PHACTR4: variants seen among roughly 807,000 people sequenced by gnomAD.
PHACTR4 encodes phosphatase and actin regulator 4, also known as protein phosphatase 1, regulatory subunit 124.
A neutral mutation model predicts 72.7 loss-of-function variants in PHACTR4; 51 were observed. The observed-to-expected ratio is 0.70, with a 90% confidence interval of 0.56 to 0.89. PHACTR4 has a LOEUF of 0.89. Among genes scored for constraint, PHACTR4 ranks in the 40% least tolerant of loss-of-function variants. PHACTR4 has a pLI of 0.00. For missense variants in PHACTR4, 731 were observed against 861.8 expected, an observed-to-expected ratio of 0.85 and a Z score of 1.90; for synonymous variants, 255 against 302.5, an observed-to-expected ratio of 0.84 and a Z score of 1.63.
At chr1:28,421,133 C>T (rs1443889313) in intron 2 of PHACTR4, among the ~76,000 whole-genome samples, 1 of 152,168 alleles carries the variant, frequency 6.6e-6, no homozygotes, top group Admixed American at 6.5e-5. Context: ...CTGACTTCTG[C>T]ATGTCCTATC....
At position 28,497,160 on chromosome 1, in the gene PHACTR4, G is replaced by A. The variant is rs572294904; in HGVS notation, c.*611G>A. The A allele has an allele frequency of 6.6e-6, 1 of 152,314 alleles. No individual in the cohort carries two copies. The highest frequency in any genetic ancestry group is 2.4e-5 in the African/African-American group (1 of 41,536). 9.4% of individuals were successfully genotyped at this position (152,314 alleles called of 1,614,324 possible). On this transcript the variant is annotated 3_prime_UTR_variant, in exon 14 of 14. Coordinates refer to ENST00000373839, the MANE Select transcript of PHACTR4 (RefSeq NM_001048183.3). Reference sequence around the variant, plus strand: ...TGAGAGGAAGCTCAGGATCTGACATGTTCTTCCTTTTCCTCACAAGTCATC... The same window carrying A: ...TGAGAGGAAGCTCAGGATCTGACATATTCTTCCTTTTCCTCACAAGTCATC...
At position 28,391,073 on chromosome 1, in the gene PHACTR4, G is replaced by A. The variant is rs552829611; in HGVS notation, c.-38-16337G>A. Among the ~76,000 whole-genome samples, 27 of 149,202 alleles carry A rather than the reference G, an allele frequency of 1.8e-4. No homozygotes were observed. In the East Asian group the frequency reaches 4.7e-3, roughly 26 times the overall value. ...TGATTGTGCCACTGCATTCCAGCCTGGGCGACAAGAGTGAGACCCTGTCTA... is the reference window on the plus strand; with the variant it reads ...TGATTGTGCCACTGCATTCCAGCCTAGGCGACAAGAGTGAGACCCTGTCTA... On this transcript the variant is annotated intron_variant, in intron 1 of 13. Transcript: ENST00000373839.
At chr1:28,438,736 G>A (rs1053068099) in intron 2 of PHACTR4, among the ~76,000 whole-genome samples, 5 of 151,962 alleles carry the variant, frequency 3.3e-5, no homozygotes, top group Non-Finnish European at 5.9e-5. Flanking sequence ...ATTTCTTGCC[G>A]TTACTAAAGA....
At chr1:28,434,331 T>G (rs1656489083) in intron 2 of PHACTR4, among the ~76,000 whole-genome samples, 1 of 151,910 alleles carries the variant, frequency 6.6e-6, no homozygotes, top group African/African-American at 2.4e-5. Context: ...TTTCTTTTTT[T>G]TTTTTTTGAG....
chr1:28,482,707 A>T (rs1660354397), intron 9 of PHACTR4, among the ~76,000 whole-genome samples: 1 of 152,008 alleles, frequency 6.6e-6, no homozygotes, highest in East Asian at 1.9e-4. Flanking sequence ...GGCTCACTTG[A>T]GGTGGGAGGC....
intron 1 of PHACTR4, among the ~76,000 whole-genome samples, chr1:28,394,035 G>A (rs1011911079): frequency 2.6e-5 from 4 of 152,108 alleles, no homozygotes; most frequent in African/African-American, 7.2e-5. Flanking sequence ...AAAGTTAACT[G>A]TAAAACAGCC....
rs373401604 is a variant in PHACTR4, at chr1:28,417,036, CT to C, written c.16+9583del. Among the ~76,000 whole-genome samples, 1,228 of 148,168 alleles carry C rather than the reference CT, an allele frequency of 8.3e-3. 5 individuals carry two copies. Among genetic ancestry groups the C allele is most frequent in the African/African-American group, 0.022 (878 of 40,516 alleles). Reference sequence around the variant, plus strand: ...ATGAAACTGGTAATTTTCTTTCTTGCTTTTTTTTTTCTTTTTTTTGCTGTTC... The same window carrying C: ...ATGAAACTGGTAATTTTCTTTCTTGCTTTTTTTTTCTTTTTTTTGCTGTTC... On this transcript the variant is annotated intron_variant, in intron 2 of 13. Transcript: ENST00000373839.
chr1:28,434,649 C>T (rs1656514738), intron 2 of PHACTR4, among the ~76,000 whole-genome samples: 1 of 152,134 alleles, frequency 6.6e-6, no homozygotes, highest in Admixed American at 6.5e-5. Context: ...TATTGACACT[C>T]TCACAATATC....
chr1:28,438,544 T>C (rs1224388475), intron 2 of PHACTR4: 2 of 1,123,094 alleles, frequency 1.8e-6, no homozygotes, highest in East Asian at 2.7e-5. Context: ...ATCCCAACTT[T>C]GAAATGTTTA....
At chr1:28,405,443 C>T (rs1286111461) in intron 1 of PHACTR4, among the ~76,000 whole-genome samples, 1 of 151,966 alleles carries the variant, frequency 6.6e-6, no homozygotes, top group African/African-American at 2.4e-5. Flanking sequence ...TCTCATGCCT[C>T]AGCCTCCTGA....
intron 1 of PHACTR4, among the ~76,000 whole-genome samples, chr1:28,379,745 A>G (rs1365660775): frequency 6.6e-6 from 1 of 151,292 alleles, no homozygotes; most frequent in African/African-American, 2.4e-5. Flanking sequence ...GCCCGCCACC[A>G]CACCCGACTA....
At chr1:28,397,530 A>G (rs1429296212) in intron 1 of PHACTR4, among the ~76,000 whole-genome samples, 1 of 152,190 alleles carries the variant, frequency 6.6e-6, no homozygotes, top group Non-Finnish European at 1.5e-5. Context: ...GTCTAGCGTT[A>G]CAGCAATTAC....
intron 2 of PHACTR4, among the ~76,000 whole-genome samples, chr1:28,444,701 C>T (rs1038820197): frequency 2.7e-5 from 4 of 150,556 alleles, no homozygotes; most frequent in African/African-American, 9.7e-5. Context: ...CTGCAAGCTC[C>T]ACCTCCCGGG....
intron 2 of PHACTR4, among the ~76,000 whole-genome samples, chr1:28,429,327 C>T (rs1222270952): frequency 6.6e-6 from 1 of 152,172 alleles, no homozygotes; most frequent in Non-Finnish European, 1.5e-5. Context: ...TTACTACTTG[C>T]AAAGCAGTAT....
intron 2 of PHACTR4, among the ~76,000 whole-genome samples, chr1:28,451,759 C>G (rs1289200855): frequency 2.0e-5 from 3 of 152,010 alleles, no homozygotes; most frequent in Admixed American, 2.0e-4. Context: ...TCCTCCTGCC[C>G]CAGCCTCCCA....
At chr1:28,460,793 G>A (rs1407136900) in intron 4 of PHACTR4, among the ~76,000 whole-genome samples, 2 of 152,102 alleles carry the variant, frequency 1.3e-5, no homozygotes, top group Non-Finnish European at 2.9e-5. Flanking sequence ...ACAGGTGTGA[G>A]CCACTGTGCC....
intron 8 of PHACTR4, among the ~76,000 whole-genome samples, chr1:28,477,565 C>A (rs1404570941): frequency 6.6e-6 from 1 of 152,100 alleles, no homozygotes; most frequent in Non-Finnish European, 1.5e-5. Context: ...GGTAATTAGG[C>A]TATCCATCTC....
intron 2 of PHACTR4, among the ~76,000 whole-genome samples, chr1:28,419,575 T>C (rs911710271): frequency 1.3e-5 from 2 of 152,096 alleles, no homozygotes; most frequent in South Asian, 2.1e-4. Flanking sequence ...GCCGAGTAGC[T>C]GGGACTATAG....
chr1:28,423,437 A>G (rs944753146), intron 2 of PHACTR4, among the ~76,000 whole-genome samples: 5 of 143,246 alleles, frequency 3.5e-5, no homozygotes, highest in Non-Finnish European at 7.5e-5. Flanking sequence ...ATAAATAAAT[A>G]AATAAATGAG....
Sources: allele counts gnomAD v4.1 joint callset (sites outside exome capture counted in the v4.1 genomes callset), GRCh38; gene constraint gnomAD v4.1.1; transcripts MANE v1.5; gene names NCBI Gene and HGNC (gene_info 2026-07-23, HGNC 2026-07-21).